Variants in RUNX2 observed in about 807,000 individuals in gnomAD.
The protein encoded by RUNX2 is runt-related transcription factor 2.
RUNX2 carries 10 observed loss-of-function variants against 51.7 expected under a neutral mutation model. That is an observed-to-expected ratio of 0.19 (90% CI 0.12 to 0.33). The LOEUF is 0.33. Among genes scored for constraint, RUNX2 ranks in the 10% least tolerant of loss-of-function variants. The pLI is 1.00. For synonymous variants in RUNX2, 276 were observed against 273.6 expected, an observed-to-expected ratio of 1.01 and a Z score of -0.09; for missense variants, 562 against 691.3, an observed-to-expected ratio of 0.81 and a Z score of 2.10.
chr6:45,439,034 T>C (rs1798769106), intron 5 of RUNX2, among the ~76,000 whole-genome samples: 1 of 152,174 alleles, frequency 6.6e-6, no homozygotes, highest in African/African-American at 2.4e-5. Flanking sequence ...GAGTGGCATA[T>C]CTTTTCTTCC....
intron 2 of RUNX2, among the ~76,000 whole-genome samples, chr6:45,349,138 A>G (rs1016560105): frequency 2.0e-5 from 3 of 152,160 alleles, no homozygotes; most frequent in African/African-American, 7.2e-5. Context: ...TTAAATTTCA[A>G]TTTAGTTCTT....
chr6:45,362,943 T>G (rs1196738079), intron 2 of RUNX2, among the ~76,000 whole-genome samples: 2 of 152,080 alleles, frequency 1.3e-5, no homozygotes, highest in African/African-American at 4.8e-5. Flanking sequence ...TTTAATTTAA[T>G]TTTTAATTTT....
chr6:45,505,818 G>A (rs1800949835), intron 6 of RUNX2, among the ~76,000 whole-genome samples: 1 of 152,180 alleles, frequency 6.6e-6, no homozygotes, highest in South Asian at 2.1e-4. Context: ...CCTAGAAGGA[G>A]AACTTATAAA....
At chr6:45,355,996 T>C (rs750947510) in intron 2 of RUNX2, among the ~76,000 whole-genome samples, 31 of 152,270 alleles carry the variant, frequency 2.0e-4, no homozygotes, top group South Asian at 1.5e-3. Context: ...AGAACTCTAC[T>C]AGCCATGGCA....
chr6:45,438,522 G>C (rs926880425), intron 5 of RUNX2, among the ~76,000 whole-genome samples: 1 of 152,178 alleles, frequency 6.6e-6, no homozygotes. Flanking sequence ...TAATTACAAA[G>C]AATTTATTTG....
chr6:45,359,629 T>TA (rs1362467597), intron 2 of RUNX2, among the ~76,000 whole-genome samples: 1 of 152,230 alleles, frequency 6.6e-6, no homozygotes, highest in African/African-American at 2.4e-5. Context: ...AAGCATCTAA[T>TA]AAGTATATAG....
intron 2 of RUNX2, among the ~76,000 whole-genome samples, chr6:45,375,110 G>A (rs1292135722): frequency 2.6e-5 from 4 of 152,204 alleles, no homozygotes; most frequent in Non-Finnish European, 4.4e-5. Flanking sequence ...GGGAGGCTGA[G>A]GCAGGAGAAT....
At chr6:45,437,298 A>G (rs2150371349) in intron 4 of RUNX2, among the ~76,000 whole-genome samples, 1 of 152,256 alleles carries the variant, frequency 6.6e-6, no homozygotes, top group East Asian at 1.9e-4. Context: ...GGGTTATTTC[A>G]AGATTTAACA....
At position 45,328,655 on chromosome 6, in the gene RUNX2, T is replaced by A; in HGVS notation, c.-66-6T>A. On this transcript the variant is annotated splice_region_variant and splice_polypyrimidine_tract_variant and intron_variant, in intron 1 of 8. Coordinates refer to ENST00000647337, the MANE Select transcript of RUNX2 (RefSeq NM_001024630.4). Reference sequence around the variant, plus strand: ...AACAAGGTTTGGGTATGGTTTGTATTTTCAGTTTAAGGCTGCAAGCAGTAT... The same window carrying A: ...AACAAGGTTTGGGTATGGTTTGTATATTCAGTTTAAGGCTGCAAGCAGTAT... 6.2e-7 allele frequency: 1 copy of A among 1,611,198 alleles called. No individual in the cohort carries two copies.
rs1802475148 is a variant in RUNX2, at chr6:45,548,660, T to A, written c.*1355T>A. 6.5e-6 allele frequency: 1 copy of A among 153,626 alleles called. No individual in the cohort carries two copies. Among genetic ancestry groups the A allele is most frequent in the South Asian group, 2.1e-4 (1 of 4,842 alleles). The allele number at this position is 153,626 out of a possible 1,614,324, so 9.5% of individuals were successfully genotyped here. A position where few individuals can be genotyped will look rare whatever the true frequency, so the allele number is the denominator to read the frequency against. On this transcript the variant is annotated 3_prime_UTR_variant, in exon 9 of 9. Coordinates refer to ENST00000647337, the MANE Select transcript of RUNX2 (RefSeq NM_001024630.4). ...TACAGAAAAATGTTCTGTGGTTTCATAGTTAAGCAAAACTCTAAATCGCCA... is the reference window on the plus strand; with the variant it reads ...TACAGAAAAATGTTCTGTGGTTTCAAAGTTAAGCAAAACTCTAAATCGCCA...
intron 5 of RUNX2, among the ~76,000 whole-genome samples, chr6:45,476,007 G>T (rs986461649): frequency 6.6e-6 from 1 of 152,156 alleles, no homozygotes; most frequent in Non-Finnish European, 1.5e-5. Context: ...AGGCCAACTT[G>T]GTGGCTCAGA....
chr6:45,407,974 TATA>T (rs1797872616), intron 2 of RUNX2, among the ~76,000 whole-genome samples: 1 of 152,186 alleles, frequency 6.6e-6, no homozygotes, highest in Non-Finnish European at 1.5e-5. Flanking sequence ...TTTGAGTTAT[TATA>T]ATATTATTAT....
intron 3 of RUNX2, among the ~76,000 whole-genome samples, chr6:45,423,896 T>A (rs944045369): frequency 6.6e-6 from 1 of 152,220 alleles, no homozygotes; most frequent in Non-Finnish European, 1.5e-5. Context: ...GACCGAGCTC[T>A]GCGCCTCGCC....
chr6:45,494,234 G>A (rs1298281909), intron 6 of RUNX2, among the ~76,000 whole-genome samples: 4 of 152,214 alleles, frequency 2.6e-5, no homozygotes, highest in Admixed American at 6.5e-5. Flanking sequence ...GATCGAGAGT[G>A]TGGCCACCTC....
chr6:45,546,134 A>G (rs1802391988), intron 8 of RUNX2, among the ~76,000 whole-genome samples: 1 of 151,884 alleles, frequency 6.6e-6, no homozygotes, highest in Admixed American at 6.6e-5. Flanking sequence ...AATGATTCCT[A>G]AGGTACCAAG....
At chr6:45,399,458 C>G (rs1797655715) in intron 2 of RUNX2, among the ~76,000 whole-genome samples, 2 of 136,278 alleles carry the variant, frequency 1.5e-5, no homozygotes, top group Non-Finnish European at 3.1e-5. Flanking sequence ...CTCCTGAGTT[C>G]AAGCGATTCT....
intron 2 of RUNX2, among the ~76,000 whole-genome samples, chr6:45,358,641 T>A (rs1358164178): frequency 6.6e-6 from 1 of 152,176 alleles, no homozygotes; most frequent in Admixed American, 6.5e-5. Context: ...ATCATCTCAT[T>A]TAATCTTCGT....
At chr6:45,464,833 T>C (rs1799576828) in intron 5 of RUNX2, among the ~76,000 whole-genome samples, 1 of 152,246 alleles carries the variant, frequency 6.6e-6, no homozygotes, top group Non-Finnish European at 1.5e-5. Flanking sequence ...TTTAAAGTTG[T>C]CTGGACAAAC....
rs776596579 is a variant in RUNX2, at chr6:45,546,996, C to T, written c.1257C>T (p.His419=). 1.7e-5 allele frequency: 28 copies of T among 1,614,102 alleles called. No individual in the cohort carries two copies. The highest frequency in any genetic ancestry group is 5.5e-5 in the South Asian group (5 of 91,072). ...GTATGTCCGCCACCACTCACTACCA[C>T]ACCTACCTGCCACCACCCTACCCCG... ...SLGMSATTHY[H]TYLPPPYPGS... Residue 419 remains histidine (H), a synonymous_variant, in exon 9 of 9, where the codon CAC becomes CAT. Coordinates refer to ENST00000647337, the MANE Select transcript of RUNX2 (RefSeq NM_001024630.4).
Sources: gnomAD v4.1 joint callset for allele counts (sites outside exome capture counted in the v4.1 genomes callset) on GRCh38, gnomAD v4.1.1 for gene constraint, MANE v1.5 for transcripts, NCBI Gene and HGNC (gene_info 2026-07-23, HGNC 2026-07-21) for gene names.